The following MAP6 variants were observed in gnomAD, a reference collection of about 807,000 sequenced individuals.
MAP6 encodes the protein microtubule-associated protein 6.
Under a neutral mutation model 42.4 loss-of-function variants are expected in MAP6, and 26 were observed. The ratio of observed to expected loss-of-function variants is 0.61; its 90% CI spans 0.45 to 0.85. The LOEUF is 0.85. MAP6 is among the 40% of genes least tolerant of loss of function. The probability of loss-of-function intolerance (pLI) is 0.00; values close to 1 mark genes in which losing one functional copy is unlikely to be tolerated. For missense variants in MAP6, 966 were observed against 1,099.0 expected (o/e 0.88, Z 1.71); for synonymous variants, 418 against 443.8 (o/e 0.94, Z 0.73).
At position 75,612,619 on chromosome 11, in the gene MAP6, G is replaced by A. The variant is rs527832042; in HGVS notation, c.906-4297C>T. Among the ~76,000 whole-genome samples the A allele has an allele frequency of 2.6e-5, 4 of 152,298 alleles. No homozygotes were observed. The East Asian group carries it at 7.7e-4, about 29-fold the overall frequency. ...GGCTGGGGTCTTGGAGGCTGTGCAA[G>A]GTGCCCAGGCTGGATAGGAGCTGGG... is the stretch of plus-strand genomic sequence containing the variant. On this transcript the variant is annotated intron_variant, in intron 1 of 3. Transcript: ENST00000304771.
chr11:75,659,001 T>C (rs779340108), intron 1 of MAP6, among the ~76,000 whole-genome samples: 6 of 152,110 alleles, frequency 3.9e-5, no homozygotes, highest in Non-Finnish European at 7.4e-5. Context: ...CCAATAACCA[T>C]AAGACTCCTG....
intron 1 of MAP6, among the ~76,000 whole-genome samples, chr11:75,635,091 T>C (rs1265115452): frequency 3.3e-5 from 5 of 152,200 alleles, no homozygotes; most frequent in Non-Finnish European, 7.3e-5. Context: ...AATGGGAGCA[T>C]TGGCACCCGG....
At chr11:75,650,374 C>T (rs913645063) in intron 1 of MAP6, among the ~76,000 whole-genome samples, 1 of 152,226 alleles carries the variant, frequency 6.6e-6, no homozygotes, top group Admixed American at 6.5e-5. Context: ...TGTCAGCTCC[C>T]ATTAAATGCT....
intron 1 of MAP6, among the ~76,000 whole-genome samples, chr11:75,666,604 G>A (rs1943952127): frequency 6.6e-6 from 1 of 152,192 alleles, no homozygotes; most frequent in Non-Finnish European, 1.5e-5. Flanking sequence ...GAACCAAGAT[G>A]TACTAATTAC....
At chr11:75,619,101 G>A (rs1383324675) in intron 1 of MAP6, among the ~76,000 whole-genome samples, 1 of 152,168 alleles carries the variant, frequency 6.6e-6, no homozygotes, top group African/African-American at 2.4e-5. Flanking sequence ...GTGTGAGTGT[G>A]TGCATGAGGC....
chr11:75,602,998 G>T, intron 3 of MAP6: 1 of 985,784 alleles, frequency 1.0e-6, no homozygotes, highest in Non-Finnish European at 1.2e-6. Flanking sequence ...CAGCAGGAAT[G>T]AAATAGCACC....
chr11:75,624,077 G>C (rs1943157156), intron 1 of MAP6, among the ~76,000 whole-genome samples: 1 of 152,106 alleles, frequency 6.6e-6, no homozygotes, highest in Non-Finnish European at 1.5e-5. Context: ...AACCTTCTCT[G>C]GCTTCGATAT....
chr11:75,616,491 G>A (rs1043346830), intron 1 of MAP6, among the ~76,000 whole-genome samples: 12 of 152,206 alleles, frequency 7.9e-5, no homozygotes, highest in Non-Finnish European at 1.6e-4. Flanking sequence ...TGTTTCTGAA[G>A]AAGGGAAACC....
rs765076493 is a variant in MAP6, at chr11:75,667,824, C to T, written c.546G>A (p.Ala182=). Residue 182 remains alanine, a synonymous_variant, in exon 1 of 4, where the codon GCG becomes GCA. Coordinates refer to ENST00000304771, the MANE Select transcript of MAP6 (RefSeq NM_033063.2). This position sits in a 1 kb window ranked among gnomAD's most constrained non-coding sequence, Gnocchi z 5.6. ...PWIPKPVQIS[A]ASQASAPILG... ...GAATGGGCGCCGACGCCTGGGAGGCCGCAGAGATCTGCACGGGCTTGGGGA... is the reference window on the plus strand; with the variant it reads ...GAATGGGCGCCGACGCCTGGGAGGCTGCAGAGATCTGCACGGGCTTGGGGA... The T allele has an allele frequency of 1.8e-5, 24 of 1,336,352 alleles. No homozygotes were observed. Among genetic ancestry groups the T allele is most frequent in the Middle Eastern group, 2.0e-4 (1 of 4,978 alleles). The allele number at this position is 1,336,352 out of a possible 1,614,324, so 82.8% of individuals were successfully genotyped here.
intron 2 of MAP6, among the ~76,000 whole-genome samples, chr11:75,606,852 C>G (rs1565258491): frequency 6.6e-6 from 1 of 152,214 alleles, no homozygotes; most frequent in Non-Finnish European, 1.5e-5. Flanking sequence ...GATGGCCTTG[C>G]CTGCTCTTTC....
At chr11:75,657,256 G>A (rs900043912) in intron 1 of MAP6, among the ~76,000 whole-genome samples, 3 of 152,020 alleles carry the variant, frequency 2.0e-5, no homozygotes, top group Non-Finnish European at 2.9e-5. Flanking sequence ...GACTACAGGC[G>A]CCCACCACCA....
At chr11:75,615,489 G>A (rs1404469624) in intron 1 of MAP6, among the ~76,000 whole-genome samples, 1 of 150,482 alleles carries the variant, frequency 6.6e-6, no homozygotes, top group Non-Finnish European at 1.5e-5. Flanking sequence ...TTTCTTCTGT[G>A]CTCCAGACAC....
chr11:75,610,726 AG>A (rs1304454643), intron 1 of MAP6, among the ~76,000 whole-genome samples: 1 of 152,132 alleles, frequency 6.6e-6, no homozygotes, highest in African/African-American at 2.4e-5. Context: ...GACTGCTGTT[AG>A]GAAGTAGGGG....
chr11:75,667,681 G>A lies in MAP6; in HGVS notation c.689C>T (p.Ala230Val). ...GGAGGLAAGK[A>V]SGADERDTRR... ...CGTGTCGCGCTCGTCCGCCCCGGAC[G>A]CCTTTCCGGCCGCCAGGCCACCCGC... Residue 230 changes from alanine (A) to valine (V), a missense_variant, in exon 1 of 4, where the codon GCG (alanine) becomes GTG (valine). By Grantham distance (64) the Ala-to-Val change is moderately conservative. Around this residue, in one of 2 missense-constraint regions of MAP6, gnomAD observed 943 missense variants for 1,049.9 expected, o/e 0.90. Coordinates refer to ENST00000304771, the MANE Select transcript of MAP6 (RefSeq NM_033063.2). This position sits in a 1 kb window ranked among gnomAD's most constrained non-coding sequence, Gnocchi z 5.6. 2 of 1,273,066 alleles carry A rather than the reference G, an allele frequency of 1.6e-6. No individual in the cohort carries two copies. The highest frequency in any genetic ancestry group is 9.9e-7 in the Non-Finnish European group (1 of 1,014,026). The allele number at this position is 1,273,066 out of a possible 1,614,324, so 78.9% of individuals were successfully genotyped here.
intron 1 of MAP6, among the ~76,000 whole-genome samples, chr11:75,649,769 G>A (rs1382207315): frequency 6.6e-6 from 1 of 152,034 alleles, no homozygotes; most frequent in Non-Finnish European, 1.5e-5. Flanking sequence ...TTGAACTCCT[G>A]CCCTCGTGAT....
chr11:75,639,500 C>T (rs1212770766), intron 1 of MAP6, among the ~76,000 whole-genome samples: 1 of 152,190 alleles, frequency 6.6e-6, no homozygotes, highest in Admixed American at 6.5e-5. Flanking sequence ...TAGGAATATC[C>T]ATTGTGGGCC....
At position 75,667,931 on chromosome 11, in the gene MAP6, C is replaced by T. The variant is rs769132084; in HGVS notation, c.439G>A (p.Asp147Asn). 1.2e-5 allele frequency: 17 copies of T among 1,385,034 alleles called. No individual in the cohort carries two copies. Among genetic ancestry groups the T allele is most frequent in the South Asian group, 1.6e-5 (1 of 61,400 alleles). 85.8% of individuals were successfully genotyped at this position (1,385,034 alleles called of 1,614,324 possible). A position where few individuals can be genotyped will look rare whatever the true frequency, so the allele number is the denominator to read the frequency against. Residue 147 changes from aspartate to asparagine, a missense_variant, in exon 1 of 4, where the codon GAC (aspartate) becomes AAC (asparagine). Physicochemically the swap from Asp to Asn is conservative, Grantham distance 23 (BLOSUM62 1). Coordinates refer to ENST00000304771, the MANE Select transcript of MAP6 (RefSeq NM_033063.2). This position sits in a 1 kb window ranked among gnomAD's most constrained non-coding sequence, Gnocchi z 5.6. ...CRPRSEYQPS[D>N]APFERETQYQ... ...TGGGTCTCGCGCTCGAAGGGAGCGT[C>T]GGAGGGCTGGTATTCGCTGCGCGGC... is the stretch of plus-strand genomic sequence containing the variant.
At chr11:75,657,332 C>T (rs1215500211) in intron 1 of MAP6, among the ~76,000 whole-genome samples, 9 of 152,102 alleles carry the variant, frequency 5.9e-5, no homozygotes, top group Admixed American at 1.3e-4. Context: ...AGGATGGTCT[C>T]GATTTCCTGA....
Position 75,668,190 on chromosome 11 carries a change from G to T in MAP6, c.180C>A (p.Pro60=), listed in dbSNP as rs923429258. ...TCTCTATGGCAACCGCGCGCGCCGA[G>T]GGGGGCGCGAGCGCCGGCTGCGCCT... The part of the protein sequence containing the change: ...QQQAQPALAP[P]SARAVAIETQ... Residue 60 remains proline, a synonymous_variant, in exon 1 of 4, where the codon CCC becomes CCA. Coordinates refer to ENST00000304771, the MANE Select transcript of MAP6 (RefSeq NM_033063.2). The T allele has an allele frequency of 1.6e-6, 2 of 1,245,436 alleles. No homozygotes were observed. Among genetic ancestry groups the T allele is most frequent in the Non-Finnish European group, 1.0e-6 (1 of 1,002,378 alleles). 77.1% of individuals were successfully genotyped at this position (1,245,436 alleles called of 1,614,324 possible).
Sources: allele counts gnomAD v4.1 joint callset (sites outside exome capture counted in the v4.1 genomes callset), GRCh38; gene constraint gnomAD v4.1.1; regional missense constraint gnomAD v4.1.1; non-coding constraint Gnocchi (gnomAD v3.1); transcripts MANE v1.5; gene names NCBI Gene and HGNC (gene_info 2026-07-23, HGNC 2026-07-21).